Variants in SIK2 observed in about 807,000 individuals in gnomAD.
SIK2 encodes serine/threonine-protein kinase SIK2.
A neutral mutation model predicts 103.2 loss-of-function variants in SIK2; 29 were observed. That is an observed-to-expected ratio of 0.28 (90% CI 0.21 to 0.38). The LOEUF (loss-of-function observed/expected upper bound fraction) is 0.38, where lower values mean the gene tolerates loss of function less well. SIK2 is among the 10% of genes least tolerant of loss of function. The pLI, the probability that SIK2 is intolerant of heterozygous loss-of-function variation, is 1.00. For synonymous variants in SIK2, 412 were observed against 446.1 expected (o/e 0.92, Z 0.96); for missense variants, 879 against 1,171.0 (o/e 0.75, Z 3.64).
At chr11:111,613,031 T>C (rs1037064601) in intron 1 of SIK2, among the ~76,000 whole-genome samples, 16 of 151,192 alleles carry the variant, frequency 1.1e-4, no homozygotes, top group Non-Finnish European at 2.9e-5. Flanking sequence ...AGTTATTTTG[T>C]TAAGAAATGT....
At position 111,728,400 on chromosome 11, in the gene SIK2, T is replaced by G. The variant is rs1294466412; in HGVS notation, c.*4271T>G. ...ACCTCCTGGGTTCAAGCCATTCTCC[T>G]GCCTCAGCCTCCCAAGTAGCTGGGA... On this transcript the variant is annotated 3_prime_UTR_variant, in exon 15 of 15. Coordinates refer to ENST00000304987, the MANE Select transcript of SIK2 (RefSeq NM_015191.3). The G allele has an allele frequency of 6.6e-6, 1 of 152,348 alleles. No homozygotes were observed. Among genetic ancestry groups the G allele is most frequent in the African/African-American group, 2.4e-5 (1 of 41,438 alleles). The allele number at this position is 152,348 out of a possible 1,614,324, so 9.4% of individuals were successfully genotyped here. A position where few individuals can be genotyped will look rare whatever the true frequency, so the allele number is the denominator to read the frequency against.
At chr11:111,703,451 T>C in intron 7 of SIK2, 28 bp downstream of exon 7, 2 of 1,599,560 alleles carry the variant, frequency 1.3e-6, no homozygotes, top group Non-Finnish European at 1.7e-6. Flanking sequence ...TTCGGGGTTC[T>C]ACTGCACTTA....
chr11:111,632,603 C>G (rs1003035245), intron 3 of SIK2, among the ~76,000 whole-genome samples: 63 of 152,140 alleles, frequency 4.1e-4, no homozygotes, highest in Non-Finnish European at 7.6e-4. Context: ...ACAATTTGCC[C>G]AGGGTCACAG....
intron 1 of SIK2, among the ~76,000 whole-genome samples, chr11:111,614,044 T>C (rs1941767261): frequency 6.6e-6 from 1 of 150,512 alleles, no homozygotes; most frequent in Non-Finnish European, 1.5e-5. Flanking sequence ...CTGACCCCCC[T>C]CGGGGGTCAG....
chr11:111,715,657 G>A (rs1461446035), intron 9 of SIK2, among the ~76,000 whole-genome samples: 1 of 152,162 alleles, frequency 6.6e-6, no homozygotes, highest in Non-Finnish European at 1.5e-5. Flanking sequence ...AACAGGAACT[G>A]AGATCCACAG....
At chr11:111,603,503 C>T (rs915203979) in intron 1 of SIK2, among the ~76,000 whole-genome samples, 2 of 152,048 alleles carry the variant, frequency 1.3e-5, no homozygotes, top group African/African-American at 2.4e-5. Context: ...ACTCATAAAG[C>T]CCTCAACTGC....
At chr11:111,674,730 T>C (rs528425450) in intron 3 of SIK2, among the ~76,000 whole-genome samples, 1 of 152,182 alleles carries the variant, frequency 6.6e-6, no homozygotes, top group South Asian at 2.1e-4. Context: ...TGTATACCAG[T>C]CATATTTCTA....
At chr11:111,618,944 C>T (rs1029127065) in intron 2 of SIK2, among the ~76,000 whole-genome samples, 2 of 152,100 alleles carry the variant, frequency 1.3e-5, no homozygotes, top group African/African-American at 4.8e-5. Flanking sequence ...CTATGTTGCC[C>T]AGGCTGTTCT....
chr11:111,669,601 AAAAGAAAG>A (rs577018559), intron 3 of SIK2, among the ~76,000 whole-genome samples: 1 of 151,942 alleles, frequency 6.6e-6, no homozygotes. Context: ...AAAAGAAAAA[AAAAGAAAG>A]AAAGAAAGAA....
At chr11:111,712,075 A>C in intron 8 of SIK2, 136 bp from the exon 9 acceptor site, 5 of 924,218 alleles carry the variant, frequency 5.4e-6, no homozygotes, top group Non-Finnish European at 6.5e-6. Flanking sequence ...ATTTCACTAA[A>C]TCTTTCTGGA....
intron 1 of SIK2, among the ~76,000 whole-genome samples, chr11:111,613,602 G>C (rs2135833535): frequency 6.6e-6 from 1 of 152,162 alleles, no homozygotes; most frequent in African/African-American, 2.4e-5. Context: ...AATGTATTTA[G>C]GTTTGAGGTG....
In SIK2 at chr11:111,688,364, G is replaced by T. The variant is rs1009392453; in HGVS notation, c.478+202G>T. Among the ~76,000 whole-genome samples the T allele has an allele frequency of 2.6e-5, 4 of 152,222 alleles. No homozygotes were observed. The highest frequency in any genetic ancestry group is 9.6e-5 in the African/African-American group (4 of 41,454). On this transcript the variant is annotated intron_variant, in intron 4 of 14. Transcript: ENST00000304987. The surrounding 1 kb of genome is among the most constrained non-coding windows in gnomAD (Gnocchi z 4.2). The stretch of plus-strand genomic sequence containing the variant: ...GTTCATTATTAATATACACAGGTCA[G>T]AGCTACATCTGGGGTCTGATGTGTC...
intron 8 of SIK2, among the ~76,000 whole-genome samples, chr11:111,710,929 G>A (rs1943477550): frequency 6.6e-6 from 1 of 152,148 alleles, no homozygotes; most frequent in African/African-American, 2.4e-5. Context: ...AATACAGGCT[G>A]TCCTTCTGCC....
intron 3 of SIK2, among the ~76,000 whole-genome samples, chr11:111,633,613 T>C (rs945919148): frequency 3.9e-5 from 6 of 152,194 alleles, no homozygotes; most frequent in Non-Finnish European, 7.4e-5. Context: ...AAAATTGGCT[T>C]CCTCCAGTAT....
chr11:111,717,202 G>A (rs1457281452), intron 9 of SIK2, among the ~76,000 whole-genome samples: 2 of 151,078 alleles, frequency 1.3e-5, no homozygotes, highest in African/African-American at 4.9e-5. Flanking sequence ...TGTAGTCCCA[G>A]CTACTCGGGA....
At chr11:111,656,221 A>T (rs1942390453) in intron 3 of SIK2, among the ~76,000 whole-genome samples, 1 of 151,824 alleles carries the variant, frequency 6.6e-6, no homozygotes, top group Admixed American at 6.6e-5. Context: ...GAGAATTAAC[A>T]CTCTGACATT....
At chr11:111,629,000 A>G (rs1349127761) in intron 3 of SIK2, among the ~76,000 whole-genome samples, 5 of 152,096 alleles carry the variant, frequency 3.3e-5, no homozygotes, top group African/African-American at 1.2e-4. Flanking sequence ...CCTATAAGGG[A>G]GTTTTTTAGG....
At chr11:111,662,907 A>G (rs887619150) in intron 3 of SIK2, among the ~76,000 whole-genome samples, 4 of 151,406 alleles carry the variant, frequency 2.6e-5, no homozygotes, top group African/African-American at 9.7e-5. Flanking sequence ...TATTTTTAAA[A>G]TAGCAAGTGG....
chr11:111,647,855 G>A (rs746688563), intron 3 of SIK2, among the ~76,000 whole-genome samples: 7 of 151,984 alleles, frequency 4.6e-5, no homozygotes, highest in Admixed American at 6.6e-5. Flanking sequence ...GTGACAGTGC[G>A]AGACTCTGTC....
Sources: allele counts gnomAD v4.1 joint callset (sites outside exome capture counted in the v4.1 genomes callset), GRCh38; gene constraint gnomAD v4.1.1; non-coding constraint Gnocchi (gnomAD v3.1); transcripts MANE v1.5; gene names NCBI Gene and HGNC (gene_info 2026-07-23, HGNC 2026-07-21).